The following CALCOCO2 variants were observed in gnomAD, a reference collection of about 807,000 sequenced individuals.
The protein encoded by CALCOCO2 is calcium-binding and coiled-coil domain-containing protein 2.
Under a neutral mutation model 62.5 loss-of-function variants are expected in CALCOCO2, and 42 were observed. The observed-to-expected ratio is 0.67, with a 90% CI of 0.53 to 0.87. The LOEUF is 0.87. Among genes scored for constraint, CALCOCO2 ranks in the 40% least tolerant of loss-of-function variants. CALCOCO2 has a pLI of 0.00. For missense variants in CALCOCO2, 456 were observed against 515.0 expected (o/e 0.89, Z 1.11); for synonymous variants, 167 against 173.0 (o/e 0.97, Z 0.27).
At chr17:48,854,394 A>ATTTTT in intron 9 of CALCOCO2, among the ~76,000 whole-genome samples, 1 of 2,828 alleles carries the variant, frequency 3.5e-4, no homozygotes, top group Non-Finnish European at 1.8e-3. Flanking sequence ...ATATATATAT[A>ATTTTT]TATTTTTTTT....
At chr17:48,833,512 A>G (rs2039845319) in intron 1 of CALCOCO2, among the ~76,000 whole-genome samples, 1 of 148,506 alleles carries the variant, frequency 6.7e-6, no homozygotes. Context: ...ACACCACTGC[A>G]CTCCACCCTG....
At chr17:48,836,758 C>CTTTTT (rs762035927) in intron 1 of CALCOCO2, among the ~76,000 whole-genome samples, 3 of 122,358 alleles carry the variant, frequency 2.5e-5, no homozygotes, top group East Asian at 2.3e-4. Context: ...GGAAGTCACT[C>CTTTTT]TTTTTTTTTT....
At chr17:48,839,413 A>C (rs935641064) in intron 1 of CALCOCO2, 1 of 144,260 alleles carries the variant, frequency 6.9e-6, no homozygotes, top group African/African-American at 2.7e-5. Context: ...CAGTGGCATG[A>C]TCTTGGCTCA....
chr17:48,852,394 G>A (rs1392299071), intron 7 of CALCOCO2, 112 bp from the exon 8 acceptor site: 2 of 866,796 alleles, frequency 2.3e-6, no homozygotes, highest in African/African-American at 3.4e-5. Context: ...TCAGTTGGCA[G>A]TTGGGAGTTG....
At position 48,852,562 on chromosome 17, in the gene CALCOCO2, T is replaced by C; in HGVS notation, c.759T>C (p.Asp253=). 6.2e-7 allele frequency: 1 copy of C among 1,613,378 alleles called. No individual in the cohort carries two copies. The highest frequency in any genetic ancestry group is 8.5e-7 in the Non-Finnish European group (1 of 1,179,358). ...EMEKLVQGDQ[D]KTEQLEQLKK... is the part of the protein sequence containing the mutation. ...AGAAGCTTGTTCAGGGAGATCAAGATAAGACAGAGCAGTTAGAGCAGCTGA... is the reference window on the plus strand; with the variant it reads ...AGAAGCTTGTTCAGGGAGATCAAGACAAGACAGAGCAGTTAGAGCAGCTGA... The change falls in exon 8 of 13, where the codon GAT becomes GAC. Residue 253 remains aspartate, a synonymous_variant. Transcript: ENST00000258947.
Position 48,835,950 on chromosome 17 carries a change from C to T in CALCOCO2, c.-11+4872C>T, listed in dbSNP as rs2039885297. 2.0e-5 allele frequency among the ~76,000 whole-genome samples: 3 copies of T among 152,080 alleles called. No individual in the cohort carries two copies. The South Asian group carries it at 6.2e-4, about 31-fold the overall frequency. ...ATTTTTAGTAGAGACAGGGTTTCAC[C>T]ATGTTGGCTAGGCTGGCCTCGAACT... On this transcript the variant is annotated intron_variant, in intron 1 of 12. Coordinates refer to ENST00000258947, the MANE Select transcript of CALCOCO2 (RefSeq NM_005831.5).
intron 2 of CALCOCO2, chr17:48,846,598 A>G: frequency 1.5e-6 from 1 of 680,526 alleles, no homozygotes. Flanking sequence ...TGCATTAAGA[A>G]ACTCCAGGAT....
chr17:48,852,217 G>A (rs2040143523), intron 7 of CALCOCO2: 1 of 266,462 alleles, frequency 3.8e-6, no homozygotes, highest in African/African-American at 2.2e-5. Context: ...TTTACCATGA[G>A]CTCTTAATAT....
chr17:48,839,670 C>CTTTTTTT (rs766846336), intron 1 of CALCOCO2, among the ~76,000 whole-genome samples: 16 of 66,166 alleles, frequency 2.4e-4, no homozygotes, highest in Admixed American at 6.1e-4. Flanking sequence ...CTTTGCTTTG[C>CTTTTTTT]TTTTTTTTTT....
At chr17:48,835,639 G>A (rs2039879362) in intron 1 of CALCOCO2, among the ~76,000 whole-genome samples, 1 of 152,166 alleles carries the variant, frequency 6.6e-6, no homozygotes, top group South Asian at 2.1e-4. Context: ...TCAAGCCTCA[G>A]AACATGAGCT....
intron 2 of CALCOCO2, 44 bp from the exon 3 acceptor site, chr17:48,848,020 C>G (rs2040075641): frequency 9.2e-7 from 1 of 1,085,030 alleles, no homozygotes; most frequent in Non-Finnish European, 1.4e-6. Context: ...GGATTTTCCC[C>G]AGTCCCCTTT....
At chr17:48,846,239 T>A in intron 2 of CALCOCO2, 1 of 558,302 alleles carries the variant, frequency 1.8e-6, no homozygotes, top group Non-Finnish European at 3.1e-6. Context: ...TGGGTTCCAG[T>A]GATTCTCGTG....
intron 6 of CALCOCO2, 161 bp from the exon 7 acceptor site, chr17:48,851,398 T>G (rs1351604107): frequency 6.4e-6 from 4 of 626,422 alleles, no homozygotes; most frequent in Non-Finnish European, 1.1e-5. Context: ...ATACTTGCAG[T>G]TTTTTGGAGT....
Position 48,863,253 on chromosome 17 carries a change from C to A in CALCOCO2, c.*248C>A. On this transcript the variant is annotated 3_prime_UTR_variant, in exon 13 of 13. Coordinates refer to ENST00000258947, the MANE Select transcript of CALCOCO2 (RefSeq NM_005831.5). ...CTGTATCATCCTCTCACCTGTCATT[C>A]TTCTGAGGGTCTCAGTACAAGGGCC... 2 of 436,132 alleles carry A rather than the reference C, an allele frequency of 4.6e-6. No homozygotes were observed. The highest frequency in any genetic ancestry group is 8.6e-6 in the Non-Finnish European group (2 of 233,100). 27.0% of individuals were successfully genotyped at this position (436,132 alleles called of 1,614,324 possible). A position where few individuals can be genotyped will look rare whatever the true frequency, so the allele number is the denominator to read the frequency against.
chr17:48,853,690 C>T (rs889831307), intron 9 of CALCOCO2, among the ~76,000 whole-genome samples: 1 of 152,142 alleles, frequency 6.6e-6, no homozygotes, highest in Non-Finnish European at 1.5e-5. Context: ...ACAAAGTTTG[C>T]AAATCAGCAG....
chr17:48,833,973 C>T (rs1172463135), intron 1 of CALCOCO2, among the ~76,000 whole-genome samples: 1 of 151,850 alleles, frequency 6.6e-6, no homozygotes, highest in Non-Finnish European at 1.5e-5. Context: ...TACAAAAATA[C>T]AAAAATTAGC....
At chr17:48,833,351 T>TA (rs1177306380) in intron 1 of CALCOCO2, among the ~76,000 whole-genome samples, 2 of 151,808 alleles carry the variant, frequency 1.3e-5, no homozygotes, top group African/African-American at 4.8e-5. Context: ...GGTCAGGAGT[T>TA]AGAGACCAAC....
intron 10 of CALCOCO2, among the ~76,000 whole-genome samples, chr17:48,857,994 G>GAATAA: frequency 5.2e-5 from 1 of 19,190 alleles, no homozygotes; most frequent in African/African-American, 1.4e-4. Context: ...GAATAGAATA[G>GAATAA]AATAGAATAG....
At chr17:48,841,126 T>G (rs1410524752) in intron 1 of CALCOCO2, among the ~76,000 whole-genome samples, 1 of 152,196 alleles carries the variant, frequency 6.6e-6, no homozygotes, top group Non-Finnish European at 1.5e-5. Flanking sequence ...ATTTAATAGG[T>G]GGTGAAGCTG....
Sources: gnomAD v4.1 joint callset for allele counts (sites outside exome capture counted in the v4.1 genomes callset) on GRCh38, gnomAD v4.1.1 for gene constraint, MANE v1.5 for transcripts, NCBI Gene and HGNC (gene_info 2026-07-23, HGNC 2026-07-21) for gene names.